ARHGEF3: variants seen among roughly 807,000 people sequenced by gnomAD.
ARHGEF3 encodes the protein Rho guanine nucleotide exchange factor 3, also known as 59.8 kDA protein.
A neutral mutation model predicts 63.2 loss-of-function variants in ARHGEF3; 28 were observed. The observed-to-expected ratio is 0.44, with a 90% CI of 0.33 to 0.61. The LOEUF (loss-of-function observed/expected upper bound fraction) is 0.61. Among genes scored for constraint, ARHGEF3 ranks in the 20% least tolerant of loss-of-function variants. The probability of loss-of-function intolerance (pLI) is 0.03; values close to 1 mark genes in which losing one functional copy is unlikely to be tolerated. For synonymous variants in ARHGEF3, 266 were observed against 254.2 expected, an observed-to-expected ratio of 1.05 and a Z score of -0.44; for missense variants, 533 against 659.3, an observed-to-expected ratio of 0.81 and a Z score of 2.10.
intron 1 of ARHGEF3, among the ~76,000 whole-genome samples, chr3:57,041,728 A>C (rs1229552014): frequency 6.6e-6 from 1 of 152,154 alleles, no homozygotes; most frequent in East Asian, 1.9e-4. Context: ...ATCAGCAAAC[A>C]ACAGTCAGAG....
At chr3:56,886,208 A>C (rs1317639267) in intron 3 of ARHGEF3, among the ~76,000 whole-genome samples, 1 of 152,232 alleles carries the variant, frequency 6.6e-6, no homozygotes, top group African/African-American at 2.4e-5. Flanking sequence ...TTCATGAGAC[A>C]TAAGCCCATG....
chr3:57,079,103 G>T, intron 1 of ARHGEF3: 1 of 332,330 alleles, frequency 3.0e-6, no homozygotes. Flanking sequence ...CAGGGCAAAG[G>T]AGGGACTAGA....
chr3:57,037,250 G>A (rs1704000385), intron 1 of ARHGEF3, among the ~76,000 whole-genome samples: 1 of 152,188 alleles, frequency 6.6e-6, no homozygotes, highest in South Asian at 2.1e-4. Flanking sequence ...AGTTGCCACT[G>A]CATCCACAAA....
chr3:56,799,162 A>T (rs60290840), intron 1 of ARHGEF3, among the ~76,000 whole-genome samples: 1 of 152,174 alleles, frequency 6.6e-6, no homozygotes, highest in African/African-American at 2.4e-5. Context: ...TTATTTTTGC[A>T]TATTTTTTTA....
chr3:56,740,933 C>T (rs1309644897), intron 7 of ARHGEF3, among the ~76,000 whole-genome samples: 1 of 152,214 alleles, frequency 6.6e-6, no homozygotes, highest in Admixed American at 6.5e-5. Flanking sequence ...ACTGGCATAT[C>T]ACATGAAGAT....
chr3:57,002,462 C>CTATATATATATATATATATATA (rs1165862414), intron 2 of ARHGEF3, among the ~76,000 whole-genome samples: 3 of 38,680 alleles, frequency 7.8e-5, no homozygotes, highest in East Asian at 8.9e-4. Context: ...GTTCTAAGCA[C>CTATATATATATATATATATATA]TATATATATA....
chr3:56,755,892 A>G (rs1397712128), intron 2 of ARHGEF3, among the ~76,000 whole-genome samples: 2 of 152,184 alleles, frequency 1.3e-5, no homozygotes, highest in Non-Finnish European at 2.9e-5. Context: ...AGCTTTACCA[A>G]TACTGCTTGA....
At chr3:56,845,574 T>C (rs1040364288) in intron 4 of ARHGEF3, among the ~76,000 whole-genome samples, 3 of 152,204 alleles carry the variant, frequency 2.0e-5, no homozygotes, top group African/African-American at 7.2e-5. Context: ...CCTTTCACAG[T>C]GAGAGAGAAC....
At chr3:56,747,351 A>C (rs1413575293) in intron 6 of ARHGEF3, among the ~76,000 whole-genome samples, 1 of 152,208 alleles carries the variant, frequency 6.6e-6, no homozygotes, top group Non-Finnish European at 1.5e-5. Flanking sequence ...CATGGCAACC[A>C]AATGGGGCTC....
intron 3 of ARHGEF3, among the ~76,000 whole-genome samples, chr3:56,948,888 T>C (rs564909093): frequency 2.0e-5 from 3 of 152,016 alleles, no homozygotes; most frequent in Non-Finnish European, 4.4e-5. Flanking sequence ...AATAAAATAC[T>C]GGCAAACTGA....
chr3:56,845,945 A>T (rs1578661088), intron 4 of ARHGEF3, among the ~76,000 whole-genome samples: 1 of 152,316 alleles, frequency 6.6e-6, no homozygotes, highest in African/African-American at 2.4e-5. Flanking sequence ...CATAGTGTTT[A>T]CTCTGTAGCA....
Position 56,911,984 on chromosome 3 carries a change from C to CAT in ARHGEF3, c.130-29632_130-29631dup, listed in dbSNP as rs572912829. Among the ~76,000 whole-genome samples, 7 of 150,736 alleles carry CAT rather than the reference C, an allele frequency of 4.6e-5. No individual in the cohort carries two copies. In the East Asian group the frequency reaches 5.8e-4, roughly 13 times the overall value. ...ATACACACACATATATATATACACA[C>CAT]ATATATATATACATATATATGTTCA... On this transcript the variant is annotated intron_variant, in intron 3 of 12. Coordinates refer to the ARHGEF3 transcript ENST00000338458.
chr3:56,754,931 A>G (rs769243249), intron 3 of ARHGEF3, 50 bp downstream of exon 3: 2 of 1,609,902 alleles, frequency 1.2e-6, no homozygotes, highest in Admixed American at 1.7e-5. Context: ...TGACGCTGCA[A>G]TGCACCTTTG....
chr3:56,915,050 T>A (rs2041949115), intron 3 of ARHGEF3, among the ~76,000 whole-genome samples: 1 of 152,122 alleles, frequency 6.6e-6, no homozygotes. Flanking sequence ...AAAATTAGTA[T>A]GTCTAGAATG....
chr3:57,063,126 G>A (rs1025377556), intron 1 of ARHGEF3, among the ~76,000 whole-genome samples: 3 of 152,212 alleles, frequency 2.0e-5, no homozygotes, highest in Middle Eastern at 3.2e-3. Context: ...TATTGGGAGA[G>A]GTGCATTTTG....
chr3:56,745,589 T>C (rs1485619935), intron 6 of ARHGEF3, 127 bp from the exon 7 acceptor site: 5 of 1,100,502 alleles, frequency 4.5e-6, no homozygotes, highest in Non-Finnish European at 6.4e-6. Flanking sequence ...CATTCCTTTA[T>C]CTGCATGGCT....
At chr3:56,981,301 G>A (rs1256871767) in intron 2 of ARHGEF3, among the ~76,000 whole-genome samples, 1 of 152,158 alleles carries the variant, frequency 6.6e-6, no homozygotes, top group East Asian at 1.9e-4. Context: ...ATGAGGCCAG[G>A]GTAAATCTTT....
chr3:56,985,341 G>A (rs547932217), intron 2 of ARHGEF3, among the ~76,000 whole-genome samples: 40 of 152,324 alleles, frequency 2.6e-4, no homozygotes, highest in Non-Finnish European at 4.6e-4. Flanking sequence ...TGCCCGCCTC[G>A]GCCTCCCAAA....
chr3:56,953,483 C>T (rs1699905123), intron 3 of ARHGEF3, among the ~76,000 whole-genome samples: 1 of 152,158 alleles, frequency 6.6e-6, no homozygotes, highest in Admixed American at 6.6e-5. Flanking sequence ...AAACAGAGTC[C>T]CTTTTGGTAA....
Sources: gnomAD v4.1 joint callset for allele counts (sites outside exome capture counted in the v4.1 genomes callset) on GRCh38, gnomAD v4.1.1 for gene constraint, MANE v1.5 for transcripts, NCBI Gene and HGNC (gene_info 2026-07-23, HGNC 2026-07-21) for gene names.